Variants in SYNRG observed in about 807,000 individuals in gnomAD.
The protein encoded by SYNRG is AP1 gamma subunit binding protein 1.
A neutral mutation model predicts 130.9 loss-of-function variants in SYNRG; 37 were observed. That is an observed-to-expected ratio of 0.28 (90% CI 0.22 to 0.37). SYNRG has a LOEUF of 0.37. Among genes scored for constraint, SYNRG ranks in the 10% least tolerant of loss-of-function variants. SYNRG has a pLI of 1.00. For missense variants in SYNRG, 1,338 were observed against 1,588.9 expected, an observed-to-expected ratio of 0.84 and a Z score of 2.68; for synonymous variants, 539 against 568.1, an observed-to-expected ratio of 0.95 and a Z score of 0.73.
intron 7 of SYNRG, among the ~76,000 whole-genome samples, chr17:37,577,083 G>A (rs185637531): frequency 1.6e-4 from 24 of 152,000 alleles, no homozygotes; most frequent in African/African-American, 5.8e-4. Context: ...AAAGTATAAG[G>A]GGGGAAAAAA....
intron 14 of SYNRG, among the ~76,000 whole-genome samples, chr17:37,545,766 A>ATATTT (rs2058226561): frequency 6.6e-6 from 1 of 152,212 alleles, no homozygotes. Context: ...TGAAGAGCAA[A>ATATTT]TATACAAGAG....
intron 10 of SYNRG, among the ~76,000 whole-genome samples, chr17:37,569,761 C>A (rs2060279977): frequency 6.6e-6 from 1 of 151,146 alleles, no homozygotes; most frequent in Non-Finnish European, 1.5e-5. Flanking sequence ...ACAAGCTCAT[C>A]ATAACCAATC....
intron 15 of SYNRG, 175 bp downstream of exon 15, chr17:37,541,797 T>C: frequency 1.5e-6 from 1 of 671,832 alleles, no homozygotes; most frequent in East Asian, 2.7e-5. Flanking sequence ...GATGCTGATT[T>C]TGACTCCCGT....
chr17:37,520,380 C>T (rs533845439), intron 20 of SYNRG, among the ~76,000 whole-genome samples, 158 bp downstream of exon 20: 6 of 152,276 alleles, frequency 3.9e-5, no homozygotes, highest in African/African-American at 1.4e-4. Flanking sequence ...CCCCGCTGCC[C>T]TCTCGAGGGA....
chr17:37,520,509 G>T, intron 20 of SYNRG, 29 bp downstream of exon 20: 1 of 1,595,660 alleles, frequency 6.3e-7, no homozygotes, highest in Non-Finnish European at 8.6e-7. Flanking sequence ...GAAGCCCTTT[G>T]CTGTCTGCAA....
intron 19 of SYNRG, 67 bp from the exon 20 acceptor site, chr17:37,520,715 C>T: frequency 1.5e-6 from 2 of 1,312,268 alleles, no homozygotes; most frequent in South Asian, 1.2e-5. Context: ...TTCACTCCCT[C>T]ATCACTCACC....
At chr17:37,602,201 G>T (rs963672492) in intron 1 of SYNRG, among the ~76,000 whole-genome samples, 2 of 151,970 alleles carry the variant, frequency 1.3e-5, no homozygotes, top group Non-Finnish European at 2.9e-5. Context: ...TGGGCATGGT[G>T]GTGCATGCCT....
At chr17:37,522,236 C>G (rs2055183860) in intron 19 of SYNRG, among the ~76,000 whole-genome samples, 1 of 152,060 alleles carries the variant, frequency 6.6e-6, no homozygotes, top group Non-Finnish European at 1.5e-5. Context: ...GTGGCGTGAT[C>G]ACAGCTCACT....
At chr17:37,529,509 C>T (rs1346836714) in intron 19 of SYNRG, among the ~76,000 whole-genome samples, 2 of 131,280 alleles carry the variant, frequency 1.5e-5, no homozygotes, top group African/African-American at 2.9e-5. Flanking sequence ...AAGATTTTCG[C>T]ATTTTATTGT....
rs2054630358 is a variant in SYNRG at position 37,518,865 on chromosome 17, A to G, written c.*75T>C. 4 of 1,570,526 alleles carry G rather than the reference A, an allele frequency of 2.5e-6. No homozygotes were observed. Among genetic ancestry groups the G allele is most frequent in the Non-Finnish European group, 8.6e-7 (1 of 1,156,912 alleles). On this transcript the variant is annotated 3_prime_UTR_variant, in exon 22 of 22. Coordinates refer to ENST00000612223, the MANE Select transcript of SYNRG (RefSeq NM_007247.6). Reference sequence around the variant, plus strand: ...GGGAAGCGAACTGTGCAGTGCTCGCATTCTATTTATTGGTCCCTGTCACCC... The same window carrying G: ...GGGAAGCGAACTGTGCAGTGCTCGCGTTCTATTTATTGGTCCCTGTCACCC...
At position 37,555,966 on chromosome 17, in the gene SYNRG, T is replaced by A. The variant is rs549266960; in HGVS notation, c.1664-1907A>T. On this transcript the variant is annotated intron_variant, in intron 13 of 21. Coordinates refer to ENST00000612223, the MANE Select transcript of SYNRG (RefSeq NM_007247.6). ...TACCAACCAACATCATTTATTATTTTAAAAAATGACTGCCATTTCTGGAGA... is the reference window on the plus strand; with the variant it reads ...TACCAACCAACATCATTTATTATTTAAAAAAATGACTGCCATTTCTGGAGA... Among the ~76,000 whole-genome samples, 204 of 152,260 alleles carry A rather than the reference T, an allele frequency of 1.3e-3. 2 individuals carry two copies. In the Middle Eastern group the frequency reaches 0.017, roughly 13 times the overall value.
At chr17:37,570,143 CTTT>C (rs11320959) in intron 10 of SYNRG, among the ~76,000 whole-genome samples, 14,194 of 113,702 alleles carry the variant, frequency 0.12, 2,205 homozygotes, top group African/African-American at 0.39. Context: ...CATGCTGAGG[CTTT>C]TTTTTTTTTT....
chr17:37,519,226 AAG>A (rs1365247037), intron 21 of SYNRG, among the ~76,000 whole-genome samples, 155 bp from the exon 22 acceptor site: 2 of 152,230 alleles, frequency 1.3e-5, no homozygotes, highest in African/African-American at 2.4e-5. Flanking sequence ...ACAGGAATTC[AAG>A]AGAGAAGGTT....
chr17:37,540,796 G>T, intron 15 of SYNRG: 4 of 748,984 alleles, frequency 5.3e-6, no homozygotes, highest in South Asian at 4.8e-5. Flanking sequence ...CATCATGCCT[G>T]GCTAATTTTT....
intron 14 of SYNRG, among the ~76,000 whole-genome samples, chr17:37,547,501 G>A (rs1040384454): frequency 2.3e-4 from 34 of 146,784 alleles, no homozygotes; most frequent in African/African-American, 8.2e-4. Context: ...TCGCTCTGTC[G>A]CCTAGGCTGC....
At chr17:37,521,457 G>A (rs887260281) in intron 19 of SYNRG, among the ~76,000 whole-genome samples, 1 of 152,090 alleles carries the variant, frequency 6.6e-6, no homozygotes, top group Non-Finnish European at 1.5e-5. Flanking sequence ...ACAGGCAAAG[G>A]CTCTGAGCTA....
chr17:37,545,257 G>A (rs964570470), intron 14 of SYNRG, among the ~76,000 whole-genome samples: 3 of 151,738 alleles, frequency 2.0e-5, no homozygotes, highest in Non-Finnish European at 2.9e-5. Context: ...TTAGCTGGGC[G>A]TGGTGGCACG....
intron 13 of SYNRG, among the ~76,000 whole-genome samples, chr17:37,559,549 G>T (rs1477369906): frequency 6.6e-6 from 1 of 152,150 alleles, no homozygotes; most frequent in African/African-American, 2.4e-5. Flanking sequence ...AATTAGTCAG[G>T]CATGGTGGCA....
At chr17:37,562,529 A>G (rs1011549305) in intron 11 of SYNRG, among the ~76,000 whole-genome samples, 7 of 152,112 alleles carry the variant, frequency 4.6e-5, no homozygotes, top group African/African-American at 1.7e-4. Context: ...ATGGATTTCT[A>G]TTGAGTTCTT....
Sources: gnomAD v4.1 joint callset for allele counts (sites outside exome capture counted in the v4.1 genomes callset) on GRCh38, gnomAD v4.1.1 for gene constraint, MANE v1.5 for transcripts, NCBI Gene and HGNC (gene_info 2026-07-23, HGNC 2026-07-21) for gene names.